Variants in SPSB1 observed in about 807,000 individuals in gnomAD.
SPSB1 encodes the protein splA/ryanodine receptor domain and SOCS box containing 1, also known as SPRY domain-containing SOCS box protein 1.
SPSB1 carries 8 observed loss-of-function variants against 21.2 expected under a neutral mutation model. The observed-to-expected ratio is 0.38, with a 90% CI of 0.22 to 0.68. The LOEUF (loss-of-function observed/expected upper bound fraction) is 0.68. Among genes scored for constraint, SPSB1 ranks in the 30% least tolerant of loss-of-function variants. The pLI is 0.53. For missense variants in SPSB1, 242 were observed against 377.8 expected (o/e 0.64, Z 2.98); for synonymous variants, 169 against 161.7 (o/e 1.05, Z -0.34).
rs867574092 is a variant in SPSB1 at position 9,293,124 on chromosome 1, G to C, written c.-150+53G>C. 1.0e-6 allele frequency: 1 copy of C among 977,946 alleles called. No homozygotes were observed. Among genetic ancestry groups the C allele is most frequent in the Non-Finnish European group, 1.2e-6 (1 of 824,556 alleles). 60.6% of individuals were successfully genotyped at this position (977,946 alleles called of 1,614,324 possible). Reference sequence around the variant, plus strand: ...CGATGGGTGGGCGACCGGCCCGGGAGGGGGAGGCGCGGGGGGCCGGGCGAG... The same window carrying C: ...CGATGGGTGGGCGACCGGCCCGGGACGGGGAGGCGCGGGGGGCCGGGCGAG... On this transcript the variant is annotated intron_variant, in intron 1 of 2. Transcript: ENST00000328089. The surrounding 1 kb of genome is among the most constrained non-coding windows in gnomAD (Gnocchi z 5.1).
At chr1:9,362,301 G>T (rs530166867) in intron 2 of SPSB1, among the ~76,000 whole-genome samples, 3 of 152,236 alleles carry the variant, frequency 2.0e-5, no homozygotes, top group African/African-American at 7.2e-5. Flanking sequence ...AGTTTGGGGG[G>T]GATAGGGGAC....
In SPSB1 at chr1:9,346,827, T is replaced by C. The variant is rs1465690769; in HGVS notation, c.-149-8916T>C. Among the ~76,000 whole-genome samples the C allele has an allele frequency of 1.3e-5, 2 of 152,252 alleles. No homozygotes were observed. Among genetic ancestry groups the C allele is most frequent in the African/African-American group, 4.8e-5 (2 of 41,482 alleles). ...TGTGCAGCTGCCACCTGGCTGGGTA[T>C]GGGGACGGACCAGCTGTTCTCTTCT... is the stretch of plus-strand genomic sequence containing the variant. On this transcript the variant is annotated intron_variant, in intron 1 of 2. Coordinates refer to ENST00000328089, the MANE Select transcript of SPSB1 (RefSeq NM_025106.4). The surrounding 1 kb of genome is among the most constrained non-coding windows in gnomAD (Gnocchi z 4.4).
intron 1 of SPSB1, chr1:9,339,212 C>T: frequency 1.0e-6 from 1 of 985,428 alleles, no homozygotes; most frequent in Non-Finnish European, 1.2e-6. Flanking sequence ...GGGCTTTTCT[C>T]CTGGGTCTTT....
At chr1:9,362,036 G>C (rs145170211) in intron 2 of SPSB1, among the ~76,000 whole-genome samples, 1 of 152,186 alleles carries the variant, frequency 6.6e-6, no homozygotes, top group African/African-American at 2.4e-5. Context: ...GTGGTTTGTC[G>C]TGGTTGAAGG....
rs1490953604 is a variant in SPSB1 at position 9,367,512 on chromosome 1, C to T, written c.759C>T (p.Arg253=). The change falls in exon 3 of 3, where the codon CGC becomes CGT. Residue 253 remains arginine, a synonymous_variant. Coordinates refer to ENST00000328089, the MANE Select transcript of SPSB1 (RefSeq NM_025106.4). The surrounding 1 kb of genome is among the most constrained non-coding windows in gnomAD (Gnocchi z 5.9). The part of the protein sequence containing the change: ...RSVRLALGRE[R]LGEIHTLPLP... ...TGCGCCTGGCCCTGGGGAGGGAGCG[C>T]CTGGGGGAGATCCACACGCTGCCGC... 1.9e-6 allele frequency: 3 copies of T among 1,612,486 alleles called. No homozygotes were observed. Among genetic ancestry groups the T allele is most frequent in the Non-Finnish European group, 2.5e-6 (3 of 1,179,564 alleles).
At chr1:9,331,201 A>G (rs149216123) in intron 1 of SPSB1, among the ~76,000 whole-genome samples, 1 of 152,104 alleles carries the variant, frequency 6.6e-6, no homozygotes, top group African/African-American at 2.4e-5. Context: ...CAAACATATC[A>G]GAGTGGTCTG....
intron 1 of SPSB1, among the ~76,000 whole-genome samples, chr1:9,338,863 T>A (rs936417059): frequency 6.6e-6 from 1 of 152,198 alleles, no homozygotes; most frequent in Non-Finnish European, 1.5e-5. Flanking sequence ...GAGGGGGTCT[T>A]TGGGTCTTGG....
rs1312184362 is a variant in SPSB1 at position 9,299,731 on chromosome 1, G to GGCCT, written c.-150+6661_-150+6664dup. Among the ~76,000 whole-genome samples the GGCCT allele has an allele frequency of 2.8e-4, 42 of 152,098 alleles. 1 individual carries two copies. Among genetic ancestry groups the GGCCT allele is most frequent in the African/African-American group, 9.2e-4 (38 of 41,484 alleles). ...TGACACCAAGTGATTCACCCGCCTTGGCCTCCCAAAGTTCTGGGATTACAG... is the reference window on the plus strand; with the variant it reads ...TGACACCAAGTGATTCACCCGCCTTGGCCTGCCTCCCAAAGTTCTGGGATTACAG... On this transcript the variant is annotated intron_variant, in intron 1 of 2. Transcript: ENST00000328089.
At chr1:9,330,394 G>C (rs1439125183) in intron 1 of SPSB1, among the ~76,000 whole-genome samples, 1 of 152,148 alleles carries the variant, frequency 6.6e-6, no homozygotes, top group East Asian at 1.9e-4. Flanking sequence ...GAACCCGGGA[G>C]GCGGAGGTTG....
chr1:9,362,712 G>A (rs1389535711), intron 2 of SPSB1, among the ~76,000 whole-genome samples: 1 of 152,214 alleles, frequency 6.6e-6, no homozygotes, highest in Non-Finnish European at 1.5e-5. Context: ...TTGTGGGTTG[G>A]GGCTCTGGGG....
rs1160607130 is a variant in SPSB1, at chr1:9,369,171, G to A, written c.*1596G>A. 1 of 152,138 alleles carries A rather than the reference G, an allele frequency of 6.6e-6. No individual in the cohort carries two copies. The highest frequency in any genetic ancestry group is 1.5e-5 in the Non-Finnish European group (1 of 67,978). 9.4% of individuals were successfully genotyped at this position (152,138 alleles called of 1,614,324 possible). ...CACAAAATTGGTGCCAAGACTGGGT[G>A]AGAAATGTACATTACCCCCTTATTA... On this transcript the variant is annotated 3_prime_UTR_variant, in exon 3 of 3. Coordinates refer to ENST00000328089, the MANE Select transcript of SPSB1 (RefSeq NM_025106.4).
chr1:9,358,677 G>A lies in SPSB1; in HGVS notation c.694+2092G>A, dbSNP rs755402246. Among the ~76,000 whole-genome samples, 177 of 152,312 alleles carry A rather than the reference G, an allele frequency of 1.2e-3. 1 individual carries two copies. The highest frequency in any genetic ancestry group is 2.0e-3 in the Non-Finnish European group (134 of 68,030). On this transcript the variant is annotated intron_variant, in intron 2 of 2. Coordinates refer to ENST00000328089, the MANE Select transcript of SPSB1 (RefSeq NM_025106.4). The stretch of plus-strand genomic sequence containing the variant: ...ATTCTTTGCAGACAGACAGATGAGG[G>A]GACTGCCAGACCTGCTCTTGTTGCC...
intron 1 of SPSB1, among the ~76,000 whole-genome samples, chr1:9,310,094 CTG>C (rs1639492227): frequency 6.6e-6 from 1 of 151,142 alleles, no homozygotes; most frequent in Non-Finnish European, 1.5e-5. Context: ...GCCTCTGCAC[CTG>C]CCGTGGGAAG....
At chr1:9,295,689 G>A (rs564699234) in intron 1 of SPSB1, among the ~76,000 whole-genome samples, 4 of 152,334 alleles carry the variant, frequency 2.6e-5, no homozygotes, top group African/African-American at 9.6e-5. Context: ...CACCCCCATG[G>A]TGTGTGCCGT....
rs906994490 is a variant in SPSB1 at position 9,366,119 on chromosome 1, C to T, written c.695-1329C>T. Among the ~76,000 whole-genome samples, 42 of 152,226 alleles carry T rather than the reference C, an allele frequency of 2.8e-4. 1 individual carries two copies. Among genetic ancestry groups the T allele is most frequent in the Non-Finnish European group, 2.9e-5 (2 of 68,030 alleles). ...GGCAAGGCTGGGCGCTCTGGGAACA[C>T]AGGATGGAGGTGCCTGGGAGGCTGC... is the stretch of plus-strand genomic sequence containing the variant. On this transcript the variant is annotated intron_variant, in intron 2 of 2. Transcript: ENST00000328089.
chr1:9,311,828 G>T (rs2100471868), intron 1 of SPSB1, among the ~76,000 whole-genome samples: 1 of 152,212 alleles, frequency 6.6e-6, no homozygotes, highest in East Asian at 1.9e-4. Flanking sequence ...GTGCATCCCT[G>T]GGGGGTATGA....
Position 9,356,582 on chromosome 1 carries a change from G to C in SPSB1, c.691G>C (p.Asp231His). Reference sequence around the variant, plus strand: ...CCGAATGCGCTACTTGAACGGACTCGATCGTAAGTGTCTCCTCTGCTGTCA... The same window carrying C: ...CCGAATGCGCTACTTGAACGGACTCCATCGTAAGTGTCTCCTCTGCTGTCA... ...EIRMRYLNGL[D>H]PEPLPLMDLC... The change falls in exon 2 of 3, where the codon GAT (aspartate) becomes CAT (histidine). Residue 231 changes from aspartate (D) to histidine (H), a missense_variant. By Grantham distance (81) the Asp-to-His change is moderately conservative. Coordinates refer to ENST00000328089, the MANE Select transcript of SPSB1 (RefSeq NM_025106.4). This position sits in a 1 kb window ranked among gnomAD's most constrained non-coding sequence, Gnocchi z 7.4. 5 of 1,583,248 alleles carry C rather than the reference G, an allele frequency of 3.2e-6. No individual in the cohort carries two copies. Among genetic ancestry groups the C allele is most frequent in the Non-Finnish European group, 4.3e-6 (5 of 1,160,400 alleles).
rs35952855 is a variant in SPSB1 at position 9,309,301 on chromosome 1, A to AGTGTGT, written c.-150+16258_-150+16263dup. 2.3e-3 allele frequency among the ~76,000 whole-genome samples: 306 copies of AGTGTGT among 133,222 alleles called. 4 individuals carry two copies. The highest frequency in any genetic ancestry group is 7.6e-3 in the African/African-American group (253 of 33,502). The allele number at this position is 133,222 out of a possible 152,430, so 87.4% of individuals were successfully genotyped here. On this transcript the variant is annotated intron_variant, in intron 1 of 2. Coordinates refer to ENST00000328089, the MANE Select transcript of SPSB1 (RefSeq NM_025106.4). ...GAGAGTGTGAGAGAGAGAGAGAGAG[A>AGTGTGT]GTGTGTGTGTGTGTGTGTGTGTGTG...
In SPSB1 at chr1:9,355,864, C is replaced by A; in HGVS notation, c.-28C>A. ...AGATTGATGAGTTTGCCTTGGGAGT[C>A]GGTAAGAAGGTGAAGCCAGGGGCGA... is the stretch of plus-strand genomic sequence containing the variant. On this transcript the variant is annotated 5_prime_UTR_variant, in exon 2 of 3. It introduces an in-frame stop codon into an upstream open reading frame of the 5' UTR. Transcript: ENST00000328089. 1 of 1,521,994 alleles carries A rather than the reference C, an allele frequency of 6.6e-7. No individual in the cohort carries two copies. Among genetic ancestry groups the A allele is most frequent in the South Asian group, 1.3e-5 (1 of 76,610 alleles). 94.3% of individuals were successfully genotyped at this position (1,521,994 alleles called of 1,614,324 possible). A position where few individuals can be genotyped will look rare whatever the true frequency, so the allele number is the denominator to read the frequency against.
Sources: gnomAD v4.1 joint callset for allele counts (sites outside exome capture counted in the v4.1 genomes callset) on GRCh38, gnomAD v4.1.1 for gene constraint, Gnocchi (gnomAD v3.1) non-coding constraint, MANE v1.5 for transcripts, NCBI Gene and HGNC (gene_info 2026-07-23, HGNC 2026-07-21) for gene names.